The following AP2A2 variants were observed in gnomAD, a reference collection of about 807,000 sequenced individuals.
AP2A2 encodes adaptor related protein complex 2 subunit alpha 2, also known as AP-2 complex subunit alpha-2.
Under a neutral mutation model 104.2 loss-of-function variants are expected in AP2A2, and 32 were observed. The observed-to-expected ratio is 0.31, with a 90% confidence interval of 0.23 to 0.41. The LOEUF (loss-of-function observed/expected upper bound fraction) is 0.41. AP2A2 is among the 10% of genes least tolerant of loss of function. AP2A2 has a pLI of 1.00. For synonymous variants in AP2A2, 539 were observed against 533.3 expected (o/e 1.01, Z -0.15); for missense variants, 912 against 1,261.0 (o/e 0.72, Z 4.19).
chr11:990,877 TC>T (rs1855626448), intron 10 of AP2A2, among the ~76,000 whole-genome samples: 1 of 124,414 alleles, frequency 8.0e-6, no homozygotes, highest in African/African-American at 3.2e-5. Flanking sequence ...GGCATGGTGC[TC>T]CCCCCACCCC....
intron 14 of AP2A2, among the ~76,000 whole-genome samples, chr11:995,701 C>T (rs369734904): frequency 1.3e-5 from 2 of 151,086 alleles, no homozygotes; most frequent in East Asian, 3.9e-4. Context: ...GGTATCCAGG[C>T]TGAGCCTGAC....
intron 2 of AP2A2, 30 bp from the exon 3 acceptor site, chr11:970,139 A>C: frequency 6.2e-7 from 1 of 1,612,198 alleles, no homozygotes; most frequent in South Asian, 1.1e-5. Context: ...GCCCGCCTGG[A>C]ATAAAACCTC....
chr11:977,023 T>TG (rs1196917013), intron 4 of AP2A2, 72 bp from the exon 5 acceptor site: 51 of 1,589,898 alleles, frequency 3.2e-5, no homozygotes, highest in Middle Eastern at 1.7e-4. Context: ...CTGCTGGCTC[T>TG]GGGGGGGTGC....
chr11:999,694 ATAATT>A (rs1855965044), intron 14 of AP2A2, among the ~76,000 whole-genome samples: 2 of 152,314 alleles, frequency 1.3e-5, no homozygotes, highest in South Asian at 2.1e-4. Context: ...TGATTTAGTA[ATAATT>A]TAATGATTAA....
At chr11:945,252 G>T (rs1164623076) in intron 1 of AP2A2, among the ~76,000 whole-genome samples, 1 of 152,198 alleles carries the variant, frequency 6.6e-6, no homozygotes, top group Non-Finnish European at 1.5e-5. Context: ...ACCAAGGTGG[G>T]AGAGGCAGCC....
intron 1 of AP2A2, among the ~76,000 whole-genome samples, chr11:944,687 C>G (rs978532646): frequency 2.6e-4 from 40 of 152,110 alleles, no homozygotes; most frequent in African/African-American, 9.4e-4. Context: ...TCTGTGAAGG[C>G]AGCAGTTGAG....
At chr11:951,138 A>G (rs145265144) in intron 1 of AP2A2, among the ~76,000 whole-genome samples, 2 of 152,144 alleles carry the variant, frequency 1.3e-5, no homozygotes, top group African/African-American at 4.8e-5. Flanking sequence ...ATTTCTTCCA[A>G]ATAGATTTAC....
At chr11:1,006,048 G>C (rs111661547) in intron 16 of AP2A2, among the ~76,000 whole-genome samples, 1 of 152,246 alleles carries the variant, frequency 6.6e-6, no homozygotes, top group Non-Finnish European at 1.5e-5. Flanking sequence ...TGTGCTGGAC[G>C]CGTGCCCAGC....
intron 2 of AP2A2, among the ~76,000 whole-genome samples, chr11:969,612 A>T (rs1391571869): frequency 6.6e-6 from 1 of 152,052 alleles, no homozygotes; most frequent in Non-Finnish European, 1.5e-5. Context: ...CCCTGCCATG[A>T]TCCCTTGTGA....
At chr11:991,569 G>T (rs1855656200) in intron 10 of AP2A2, among the ~76,000 whole-genome samples, 1 of 152,232 alleles carries the variant, frequency 6.6e-6, no homozygotes, top group Non-Finnish European at 1.5e-5. Flanking sequence ...GACCCTGCCA[G>T]TGAGGCCTGA....
chr11:950,346 G>A (rs1589957509), intron 1 of AP2A2, among the ~76,000 whole-genome samples: 1 of 138,688 alleles, frequency 7.2e-6, no homozygotes, highest in African/African-American at 2.7e-5. Context: ...GTTTCGCTCT[G>A]TCACCAGGCT....
rs1351977643 is a variant in AP2A2 at position 992,423 on chromosome 11, A to C, written c.1270-80A>C. Reference sequence around the variant, plus strand: ...ACATTGAGGTGCTTCTGAAACTCTCACTTTGACTTTGGACGACAGTTTGGT... The same window carrying C: ...ACATTGAGGTGCTTCTGAAACTCTCCCTTTGACTTTGGACGACAGTTTGGT... On this transcript the variant is annotated intron_variant, in intron 10 of 21. Transcript: ENST00000448903. The surrounding 1 kb of genome is among the most constrained non-coding windows in gnomAD (Gnocchi z 6.4). The C allele has an allele frequency of 3.5e-6, 5 of 1,422,836 alleles. No homozygotes were observed. The highest frequency in any genetic ancestry group is 4.8e-6 in the Non-Finnish European group (5 of 1,032,798). 88.1% of individuals were successfully genotyped at this position (1,422,836 alleles called of 1,614,324 possible).
chr11:929,589 C>T lies in AP2A2; in HGVS notation c.67+3501C>T, dbSNP rs559490107. On this transcript the variant is annotated intron_variant, in intron 1 of 21. Transcript: ENST00000448903. ...CTTTCTGACCAGTTTCTTAAGTTTT[C>T]CTCCTTTAGCCTGGGCAATATAGTG... 1.2e-3 allele frequency among the ~76,000 whole-genome samples: 186 copies of T among 152,320 alleles called. 2 individuals are homozygous for T. In the Middle Eastern group the frequency reaches 0.014, roughly 11 times the overall value.
chr11:1,000,445 C>A lies in AP2A2; in HGVS notation c.1970C>A (p.Pro657Gln). Residue 657 changes from proline (P) to glutamine (Q), a missense_variant, in exon 15 of 22, where the codon CCG (proline) becomes CAG (glutamine). Around this residue, in one of 7 missense-constraint regions of AP2A2, gnomAD observed 105 missense variants for 90.9 expected, o/e 1.16. Transcript: ENST00000448903. ...CTTCTCTTCCAGTCTACGCCTTCTC[C>A]GTCGGCAGACCTGCTGGGTCTCGGG... ...ASTSAVSTPS[P>Q]SADLLGLGAA... The A allele has an allele frequency of 1.9e-6, 3 of 1,543,814 alleles. No individual in the cohort carries two copies. The highest frequency in any genetic ancestry group is 2.6e-6 in the Non-Finnish European group (3 of 1,147,522).
chr11:970,471 A>G (rs1249649756), intron 3 of AP2A2, among the ~76,000 whole-genome samples, 160 bp downstream of exon 3: 2 of 152,178 alleles, frequency 1.3e-5, no homozygotes, highest in African/African-American at 4.8e-5. Flanking sequence ...CCTTGTTAGC[A>G]CCTGCTGCCA....
intron 1 of AP2A2, among the ~76,000 whole-genome samples, chr11:938,477 GTT>G (rs1170166405): frequency 7.8e-5 from 11 of 141,010 alleles, no homozygotes; most frequent in Admixed American, 1.4e-4. Context: ...ATGTTTGTAT[GTT>G]TTTTTTTTTT....
intron 1 of AP2A2, among the ~76,000 whole-genome samples, chr11:953,554 C>A (rs982395282): frequency 5.3e-5 from 8 of 151,970 alleles, no homozygotes; most frequent in South Asian, 2.1e-4. Flanking sequence ...AGCCCCCCCC[C>A]CCCATTGTCT....
intron 1 of AP2A2, among the ~76,000 whole-genome samples, chr11:943,544 G>T (rs534138736): frequency 6.6e-6 from 1 of 152,294 alleles, no homozygotes; most frequent in East Asian, 1.9e-4. Context: ...GCAGAAATTG[G>T]GAATAAGACA....
chr11:962,226 C>T (rs1046195100), intron 2 of AP2A2, among the ~76,000 whole-genome samples: 1 of 152,242 alleles, frequency 6.6e-6, no homozygotes, highest in African/African-American at 2.4e-5. Flanking sequence ...TCTGCGTCTG[C>T]TGTGCTCATT....
Sources: allele counts gnomAD v4.1 joint callset (sites outside exome capture counted in the v4.1 genomes callset), GRCh38; gene constraint gnomAD v4.1.1; regional missense constraint gnomAD v4.1.1; non-coding constraint Gnocchi (gnomAD v3.1); transcripts MANE v1.5; gene names NCBI Gene and HGNC (gene_info 2026-07-23, HGNC 2026-07-21).